Variants in NT5DC1 observed in about 807,000 individuals in gnomAD.
NT5DC1 encodes the protein 5'-nucleotidase domain containing 1.
In NT5DC1, 42 loss-of-function variants were observed where a neutral mutation model predicts 59.4. The observed-to-expected ratio is 0.71, with a 90% CI of 0.55 to 0.92. The LOEUF is 0.92. Ranked by LOEUF, NT5DC1 falls within the 40% of genes least tolerant of loss-of-function variation. The pLI, the probability that NT5DC1 is intolerant of heterozygous loss-of-function variation, is 0.00. For missense variants in NT5DC1, 501 were observed against 537.1 expected (o/e 0.93, Z 0.66); for synonymous variants, 172 against 188.1 (o/e 0.91, Z 0.70).
At chr6:116,201,254 G>A (rs1050092070) in intron 6 of NT5DC1, among the ~76,000 whole-genome samples, 11 of 152,030 alleles carry the variant, frequency 7.2e-5, no homozygotes, top group African/African-American at 1.2e-4. Flanking sequence ...TGATACTCTT[G>A]CCTTTTTGGC....
intron 6 of NT5DC1, among the ~76,000 whole-genome samples, chr6:116,205,428 T>C (rs746624615): frequency 8.6e-5 from 13 of 151,630 alleles, no homozygotes; most frequent in Non-Finnish European, 1.9e-4. Context: ...AATTTTAAAA[T>C]AACATTTAAC....
intron 11 of NT5DC1, among the ~76,000 whole-genome samples, chr6:116,240,141 G>GA (rs1316341069): frequency 3.3e-5 from 5 of 152,150 alleles, no homozygotes; most frequent in African/African-American, 1.2e-4. Flanking sequence ...GATATAGTGA[G>GA]AAGGAGTAAG....
chr6:116,159,675 C>T (rs899212664), intron 6 of NT5DC1, among the ~76,000 whole-genome samples: 11 of 152,164 alleles, frequency 7.2e-5, no homozygotes, highest in African/African-American at 1.9e-4. Flanking sequence ...GGTTTGTTAA[C>T]GTGGGTATAT....
chr6:116,205,478 C>T (rs1425486223), intron 6 of NT5DC1, among the ~76,000 whole-genome samples: 2 of 115,318 alleles, frequency 1.7e-5, no homozygotes, highest in Non-Finnish European at 3.2e-5. Context: ...TAGGTTGGAA[C>T]TTAACTGAGT....
At chr6:116,226,249 A>G (rs1293022444) in intron 8 of NT5DC1, among the ~76,000 whole-genome samples, 2 of 152,034 alleles carry the variant, frequency 1.3e-5, no homozygotes, top group African/African-American at 4.8e-5. Flanking sequence ...CCCAATAAAT[A>G]TTTGTTTTTA....
At chr6:116,196,044 G>A (rs901836286) in intron 6 of NT5DC1, among the ~76,000 whole-genome samples, 3 of 152,006 alleles carry the variant, frequency 2.0e-5, no homozygotes, top group East Asian at 3.9e-4. Flanking sequence ...TGGTGTTGTC[G>A]GGTTGTTAAG....
intron 6 of NT5DC1, among the ~76,000 whole-genome samples, chr6:116,175,705 G>A (rs1287046839): frequency 6.6e-6 from 1 of 152,118 alleles, no homozygotes; most frequent in Non-Finnish European, 1.5e-5. Flanking sequence ...AGAAGCTGAT[G>A]AACACACCAA....
At chr6:116,220,002 G>A (rs558920007) in intron 6 of NT5DC1, among the ~76,000 whole-genome samples, 59 of 141,638 alleles carry the variant, frequency 4.2e-4, no homozygotes, top group African/African-American at 1.4e-3. Flanking sequence ...TCTTCCTGAT[G>A]TCCTGATATT....
intron 4 of NT5DC1, among the ~76,000 whole-genome samples, chr6:116,113,602 G>C (rs539177375): frequency 6.6e-6 from 1 of 152,312 alleles, no homozygotes; most frequent in African/African-American, 2.4e-5. Context: ...GGCTGAACAA[G>C]CCCTTGTGTC....
chr6:116,130,066 T>C (rs1325884987), intron 6 of NT5DC1, among the ~76,000 whole-genome samples: 2 of 152,190 alleles, frequency 1.3e-5, no homozygotes, highest in East Asian at 3.9e-4. Context: ...CTACAGTCAA[T>C]ATTTTATTAT....
At chr6:116,121,420 G>A in intron 6 of NT5DC1, 3 of 1,614,022 alleles carry the variant, frequency 1.9e-6, no homozygotes, top group East Asian at 2.2e-5. Flanking sequence ...CACCTTTGAT[G>A]CCTGGCTGTC....
chr6:116,213,677 A>G (rs943824592), intron 6 of NT5DC1, among the ~76,000 whole-genome samples: 6 of 119,450 alleles, frequency 5.0e-5, no homozygotes, highest in African/African-American at 1.9e-4. Context: ...TGTAGATCAC[A>G]TGTAGGAGAA....
rs761352052 is a variant in NT5DC1, at chr6:116,135,417, C to G, written c.529+17472C>G. Among the ~76,000 whole-genome samples, 6 of 151,916 alleles carry G rather than the reference C, an allele frequency of 3.9e-5. No homozygotes were observed. The East Asian group carries it at 7.8e-4, about 20-fold the overall frequency. Reference sequence around the variant, plus strand: ...TTCTGTAGCATCCATAACCGCCCCCCCCACCTTTTTATTTAACAACTCCAT... The same window carrying G: ...TTCTGTAGCATCCATAACCGCCCCCGCCACCTTTTTATTTAACAACTCCAT... On this transcript the variant is annotated intron_variant, in intron 6 of 11. Coordinates refer to ENST00000319550, the MANE Select transcript of NT5DC1 (RefSeq NM_152729.3).
rs576723056 is a variant in NT5DC1, at chr6:116,109,927, C to T, written c.258-923C>T. ...AACATTTCAACTACAGTAGTCCCTC[C>T]TTATCCTCGGAGGTTAGCTTCCAAA... On this transcript the variant is annotated intron_variant, in intron 3 of 11. Coordinates refer to ENST00000319550, the MANE Select transcript of NT5DC1 (RefSeq NM_152729.3). Among the ~76,000 whole-genome samples the T allele has an allele frequency of 2.0e-5, 3 of 152,314 alleles. No individual in the cohort carries two copies. The East Asian group carries it at 5.8e-4, about 29-fold the overall frequency.
intron 3 of NT5DC1, among the ~76,000 whole-genome samples, chr6:116,108,797 TAAGA>T (rs1263775796): frequency 6.6e-6 from 1 of 152,206 alleles, no homozygotes; most frequent in Non-Finnish European, 1.5e-5. Flanking sequence ...TTCTTTTTGT[TAAGA>T]AAGAAAGAAT....
intron 5 of NT5DC1, among the ~76,000 whole-genome samples, chr6:116,117,372 A>G (rs1419901149): frequency 6.6e-5 from 10 of 152,192 alleles, no homozygotes; most frequent in African/African-American, 2.4e-4. Flanking sequence ...GAAGAATGAT[A>G]ACTTTATTAT....
chr6:116,201,664 C>G (rs1781349408), intron 6 of NT5DC1, among the ~76,000 whole-genome samples: 1 of 151,946 alleles, frequency 6.6e-6, no homozygotes, highest in Admixed American at 6.6e-5. Flanking sequence ...CCTTCCCACC[C>G]ATGAAGTCGG....
chr6:116,174,726 G>T (rs1780694451), intron 6 of NT5DC1, among the ~76,000 whole-genome samples: 1 of 152,070 alleles, frequency 6.6e-6, no homozygotes, highest in Non-Finnish European at 1.5e-5. Context: ...TAACTTTTCT[G>T]AATTTGTATT....
At chr6:116,227,793 AT>A (rs1462028652) in intron 8 of NT5DC1, among the ~76,000 whole-genome samples, 1 of 151,918 alleles carries the variant, frequency 6.6e-6, no homozygotes, top group African/African-American at 2.4e-5. Context: ...TCCTTTGCTC[AT>A]TTTTTTAATT....
Sources: gnomAD v4.1 joint callset for allele counts (sites outside exome capture counted in the v4.1 genomes callset) on GRCh38, gnomAD v4.1.1 for gene constraint, MANE v1.5 for transcripts, NCBI Gene and HGNC (gene_info 2026-07-23, HGNC 2026-07-21) for gene names.